CDH4: variants seen among roughly 807,000 people sequenced by gnomAD.
CDH4 encodes the protein cadherin-4.
In CDH4, 33 loss-of-function variants were observed where a neutral mutation model predicts 86.0. The ratio of observed to expected loss-of-function variants is 0.38; its 90% CI spans 0.29 to 0.51. The LOEUF is 0.51. Ranked by LOEUF, CDH4 falls within the 20% of genes least tolerant of loss-of-function variation. The pLI, the probability that CDH4 is intolerant of heterozygous loss-of-function variation, is 0.86. For missense variants in CDH4, 1,114 were observed against 1,307.4 expected, an observed-to-expected ratio of 0.85 and a Z score of 2.28; for synonymous variants, 555 against 549.4, an observed-to-expected ratio of 1.01 and a Z score of -0.14.
chr20:61,854,002 A>G (rs974950650), intron 6 of CDH4, among the ~76,000 whole-genome samples: 6 of 152,188 alleles, frequency 3.9e-5, no homozygotes, highest in Admixed American at 3.3e-4. Flanking sequence ...AGCACCATTT[A>G]GGACGGACTT....
At chr20:61,401,666 A>G (rs906709549) in intron 2 of CDH4, among the ~76,000 whole-genome samples, 6 of 152,224 alleles carry the variant, frequency 3.9e-5, no homozygotes, top group Admixed American at 3.9e-4. Context: ...TTAGACTGCC[A>G]GCCTCTTCTC....
intron 2 of CDH4, among the ~76,000 whole-genome samples, chr20:61,443,873 T>C (rs1458412123): frequency 6.6e-6 from 1 of 151,854 alleles, no homozygotes; most frequent in African/African-American, 2.4e-5. Flanking sequence ...TGTGTCTATA[T>C]CTCTGTGTGT....
At chr20:61,673,210 G>A (rs1443249976) in intron 2 of CDH4, among the ~76,000 whole-genome samples, 6 of 152,172 alleles carry the variant, frequency 3.9e-5, no homozygotes, top group South Asian at 2.1e-4. Context: ...CCTCTAGAGC[G>A]CTGAGATGTT....
rs141404094 is a variant in CDH4 at position 61,910,503 on chromosome 20, C to G, written c.1270C>G (p.Pro424Ala). The G allele has an allele frequency of 6.2e-7, 1 of 1,614,024 alleles. No individual in the cohort carries two copies. The highest frequency in any genetic ancestry group is 1.7e-5 in the Admixed American group (1 of 60,034). ...TVMDRDQPHS[P>A]NWNAVYRIIS... ...GATGGACCGAGATCAGCCCCACTCT[C>G]CAAACTGGAATGCCGTTTACCGCAT... is the stretch of plus-strand genomic sequence containing the variant. Residue 424 changes from proline to alanine, a missense_variant, in exon 9 of 16, where the codon CCA becomes GCA. This residue lies in a region of CDH4 where 705 missense variants were observed against 914.1 expected (regional missense o/e 0.77). Coordinates refer to ENST00000614565, the MANE Select transcript of CDH4 (RefSeq NM_001794.5).
chr20:61,567,160 T>G (rs2086304457), intron 2 of CDH4, among the ~76,000 whole-genome samples: 1 of 152,134 alleles, frequency 6.6e-6, no homozygotes, highest in Non-Finnish European at 1.5e-5. Context: ...TGTTTCAAAT[T>G]GCACAGAAAA....
At chr20:61,507,538 C>T (rs539448510) in intron 2 of CDH4, among the ~76,000 whole-genome samples, 98 of 152,046 alleles carry the variant, frequency 6.4e-4, no homozygotes, top group South Asian at 1.0e-3. Flanking sequence ...TTCACTGTGT[C>T]TCAGGCACCA....
chr20:61,535,673 G>T (rs1255637650), intron 2 of CDH4, among the ~76,000 whole-genome samples: 1 of 152,160 alleles, frequency 6.6e-6, no homozygotes, highest in Non-Finnish European at 1.5e-5. Flanking sequence ...CACCTGGTGC[G>T]GGGCCCTTCT....
rs540329770 is a variant in CDH4, at chr20:61,747,305, G to C, written c.396+3516G>C. 3.9e-4 allele frequency among the ~76,000 whole-genome samples: 60 copies of C among 152,108 alleles called. 1 individual carries two copies. Among genetic ancestry groups the C allele is most frequent in the Middle Eastern group, 3.4e-3 (1 of 294 alleles). ...AATACAAACAAAAATAAAATTAGCC[G>C]GGCGTAGTGGCAGGTGCCTATAGTC... On this transcript the variant is annotated intron_variant, in intron 3 of 15. Coordinates refer to ENST00000614565, the MANE Select transcript of CDH4 (RefSeq NM_001794.5).
intron 2 of CDH4, among the ~76,000 whole-genome samples, chr20:61,397,875 A>G (rs2085027272): frequency 6.6e-6 from 1 of 152,160 alleles, no homozygotes; most frequent in Admixed American, 6.5e-5. Flanking sequence ...AAACTTTAGC[A>G]TGAACGCTTG....
At chr20:61,889,332 G>GGGT (rs1202534575) in intron 7 of CDH4, among the ~76,000 whole-genome samples, 224 of 150,636 alleles carry the variant, frequency 1.5e-3, no homozygotes, top group African/African-American at 5.2e-3. Flanking sequence ...ATGGATGGAT[G>GGGT]GATGGATGGG....
chr20:61,659,418 C>T (rs532832948), intron 2 of CDH4, among the ~76,000 whole-genome samples: 248 of 152,334 alleles, frequency 1.6e-3, no homozygotes, highest in African/African-American at 5.6e-3. Context: ...AGAGGGGCTG[C>T]GCTGCCCCCC....
chr20:61,804,368 A>ATG (rs1980009378), intron 4 of CDH4, among the ~76,000 whole-genome samples: 2 of 152,204 alleles, frequency 1.3e-5, no homozygotes, highest in Non-Finnish European at 2.9e-5. Context: ...TGTCCCCTGC[A>ATG]CAGCCACTGT....
intron 2 of CDH4, among the ~76,000 whole-genome samples, chr20:61,432,601 A>G (rs894085307): frequency 6.6e-6 from 1 of 151,828 alleles, no homozygotes; most frequent in Non-Finnish European, 1.5e-5. Flanking sequence ...ATGTGTGTGT[A>G]TATATATATA....
At chr20:61,849,368 T>C (rs1056498930) in intron 5 of CDH4, among the ~76,000 whole-genome samples, 29 of 152,232 alleles carry the variant, frequency 1.9e-4, no homozygotes, top group Non-Finnish European at 2.9e-5. Flanking sequence ...TTCTCTGCAC[T>C]GTGTAACGAA....
chr20:61,743,767 C>G lies in CDH4; in HGVS notation c.374C>G (p.Ser125Trp), dbSNP rs61737806. Residue 125 changes from serine to tryptophan, a missense_variant, in exon 3 of 16, where the codon TCG (serine) becomes TGG (tryptophan). Ser to Trp is a radical substitution (Grantham distance 177). Around this residue, in one of 3 missense-constraint regions of CDH4, gnomAD observed 221 missense variants for 209.5 expected, o/e 1.05. Coordinates refer to ENST00000614565, the MANE Select transcript of CDH4 (RefSeq NM_001794.5). ...GTGCGGTTGCTGGTGGCCCAGACCT[C>G]GTCCCCGCACTCTGGACACAAGGTA... ...AVVRLLVAQT[S>W]SPHSGHKPQK... 1.7e-4 allele frequency: 272 copies of G among 1,604,346 alleles called. 1 individual carries two copies. The highest frequency in any genetic ancestry group is 2.7e-5 in the Non-Finnish European group (32 of 1,175,980).
intron 2 of CDH4, among the ~76,000 whole-genome samples, chr20:61,322,758 C>A (rs2084515547): frequency 6.6e-6 from 1 of 152,172 alleles, no homozygotes; most frequent in African/African-American, 2.4e-5. Context: ...GGGAGCGGAA[C>A]ACTCACAACT....
At chr20:61,282,601 A>T (rs925890751) in intron 2 of CDH4, among the ~76,000 whole-genome samples, 7 of 151,812 alleles carry the variant, frequency 4.6e-5, no homozygotes, top group African/African-American at 1.7e-4. Context: ...ACCTGCACAC[A>T]CAACTGGATG....
At chr20:61,841,633 G>C (rs1982176690) in intron 4 of CDH4, among the ~76,000 whole-genome samples, 1 of 152,164 alleles carries the variant, frequency 6.6e-6, no homozygotes, top group African/African-American at 2.4e-5. Context: ...TGCTTGGTGT[G>C]TGCGGCTCAG....
chr20:61,783,096 A>G (rs1035337249), intron 4 of CDH4, among the ~76,000 whole-genome samples: 10 of 152,324 alleles, frequency 6.6e-5, no homozygotes, highest in Admixed American at 2.0e-4. Context: ...AAAAAAAAGA[A>G]TTTCTTTATA....
Sources: allele counts gnomAD v4.1 joint callset (sites outside exome capture counted in the v4.1 genomes callset), GRCh38; gene constraint gnomAD v4.1.1; regional missense constraint gnomAD v4.1.1; transcripts MANE v1.5; gene names NCBI Gene and HGNC (gene_info 2026-07-23, HGNC 2026-07-21).